Variants in LSAMP observed in about 807,000 individuals in gnomAD.
The protein encoded by LSAMP is limbic system-associated membrane protein.
Under a neutral mutation model 38.6 loss-of-function variants are expected in LSAMP, and 7 were observed. That is an observed-to-expected ratio of 0.18 (90% CI 0.10 to 0.34). The LOEUF (loss-of-function observed/expected upper bound fraction) is 0.34. Ranked by LOEUF, LSAMP falls within the 10% of genes least tolerant of loss-of-function variation. LSAMP has a pLI of 1.00. For synonymous variants in LSAMP, 154 were observed against 166.8 expected (o/e 0.92, Z 0.59); for missense variants, 313 against 420.0 (o/e 0.75, Z 2.23).
intron 3 of LSAMP, among the ~76,000 whole-genome samples, chr3:115,931,309 G>T (rs1337937697): frequency 1.3e-5 from 2 of 152,138 alleles, no homozygotes; most frequent in African/African-American, 2.4e-5. Context: ...TAAATCTCAG[G>T]ATCCCTCACT....
At chr3:116,078,990 G>T (rs1165263973) in intron 2 of LSAMP, among the ~76,000 whole-genome samples, 1 of 151,946 alleles carries the variant, frequency 6.6e-6, no homozygotes, top group Non-Finnish European at 1.5e-5. Flanking sequence ...GGAAGGGCAG[G>T]GTTAGGAAAT....
intron 3 of LSAMP, among the ~76,000 whole-genome samples, chr3:115,864,496 C>T (rs955420917): frequency 1.2e-4 from 18 of 152,124 alleles, no homozygotes; most frequent in African/African-American, 3.6e-4. Context: ...TTTGGATCTG[C>T]GTATTCTGAG....
At chr3:116,067,609 A>G (rs1269897780) in intron 2 of LSAMP, among the ~76,000 whole-genome samples, 2 of 152,184 alleles carry the variant, frequency 1.3e-5, no homozygotes, top group African/African-American at 4.8e-5. Context: ...TGCCCCATCA[A>G]TCATGGGCCA....
chr3:115,852,922 T>C (rs1162291350), intron 3 of LSAMP, among the ~76,000 whole-genome samples: 3 of 152,198 alleles, frequency 2.0e-5, no homozygotes, highest in Non-Finnish European at 4.4e-5. Flanking sequence ...GCTCAGTCTT[T>C]CAGGGAGGCC....
chr3:115,870,114 A>C (rs2107391166), intron 3 of LSAMP, among the ~76,000 whole-genome samples: 1 of 152,302 alleles, frequency 6.6e-6, no homozygotes, highest in South Asian at 2.1e-4. Context: ...ACTTGGACAC[A>C]GCCATGCCTA....
At position 116,162,768 on chromosome 3, in the gene LSAMP, T is replaced by TACACACACACACACAC. The variant is rs71141856; in HGVS notation, c.156-76228_156-76213dup. Among the ~76,000 whole-genome samples the TACACACACACACACAC allele has an allele frequency of 5.6e-3, 826 of 147,422 alleles. 5 individuals are homozygous for TACACACACACACACAC. Among genetic ancestry groups the TACACACACACACACAC allele is most frequent in the African/African-American group, 7.7e-3 (306 of 39,758 alleles). On this transcript the variant is annotated intron_variant, in intron 1 of 6. Coordinates refer to ENST00000490035, the MANE Select transcript of LSAMP (RefSeq NM_002338.5). Reference sequence around the variant, plus strand: ...TATACATATCGTATACACACACTTATACACACACACACACACACACACACA... The same window carrying TACACACACACACACAC: ...TATACATATCGTATACACACACTTATACACACACACACACACACACACACACACACACACACACACA...
chr3:116,246,280 GC>G (rs1304014808), intron 1 of LSAMP, among the ~76,000 whole-genome samples: 1 of 152,000 alleles, frequency 6.6e-6, no homozygotes. Context: ...ATTCCTGAAT[GC>G]AATCTTCTGA....
At chr3:116,303,663 G>C (rs1000292751) in intron 1 of LSAMP, among the ~76,000 whole-genome samples, 2 of 152,162 alleles carry the variant, frequency 1.3e-5, no homozygotes, top group African/African-American at 4.8e-5. Context: ...ACATGGCCCA[G>C]AGTAAGTGCT....
intron 1 of LSAMP, among the ~76,000 whole-genome samples, chr3:116,191,186 G>A (rs940382215): frequency 2.0e-5 from 3 of 152,170 alleles, no homozygotes; most frequent in Non-Finnish European, 4.4e-5. Flanking sequence ...TTGCGCCACT[G>A]CACTTCAGCC....
At chr3:116,039,161 T>C (rs1941111950) in intron 2 of LSAMP, among the ~76,000 whole-genome samples, 1 of 152,224 alleles carries the variant, frequency 6.6e-6, no homozygotes, top group East Asian at 1.9e-4. Flanking sequence ...AGCTCAACAA[T>C]ACATGTTGAA....
At chr3:116,172,698 G>C (rs1001330011) in intron 1 of LSAMP, among the ~76,000 whole-genome samples, 1 of 151,810 alleles carries the variant, frequency 6.6e-6, no homozygotes, top group African/African-American at 2.4e-5. Flanking sequence ...TTGTTGAGAG[G>C]ATGTGGGATA....
At chr3:116,069,979 G>A (rs1707561487) in intron 2 of LSAMP, among the ~76,000 whole-genome samples, 1 of 152,114 alleles carries the variant, frequency 6.6e-6, no homozygotes, top group Admixed American at 6.6e-5. Context: ...AGCAAGGACA[G>A]CTCTGATGAA....
chr3:116,358,281 GA>G (rs2048252566), intron 1 of LSAMP, among the ~76,000 whole-genome samples: 1 of 152,124 alleles, frequency 6.6e-6, no homozygotes, highest in Admixed American at 6.5e-5. Context: ...GGCAACACAA[GA>G]ATTTATTCTT....
chr3:116,273,538 G>T lies in LSAMP; in HGVS notation c.155+171339C>A, dbSNP rs371992801. On this transcript the variant is annotated intron_variant, in intron 1 of 6. Coordinates refer to ENST00000490035, the MANE Select transcript of LSAMP (RefSeq NM_002338.5). ...ACTTTAACACCAAGACTTTGAGTTGGCATTACTGCTCTCTTGGAGTAATCT... is the reference window on the plus strand; with the variant it reads ...ACTTTAACACCAAGACTTTGAGTTGTCATTACTGCTCTCTTGGAGTAATCT... Among the ~76,000 whole-genome samples, 18 of 150,428 alleles carry T rather than the reference G, an allele frequency of 1.2e-4. 1 individual carries two copies. In the East Asian group the frequency reaches 1.4e-3, roughly 11 times the overall value.
chr3:115,852,643 C>CT (rs1222930338), intron 3 of LSAMP, 26 bp from the exon 4 acceptor site: 5 of 1,599,092 alleles, frequency 3.1e-6, no homozygotes, highest in South Asian at 1.1e-5. Context: ...TTTCATGATT[C>CT]TTTTTTAAAG....
At chr3:115,996,769 T>C (rs1939826816) in intron 3 of LSAMP, among the ~76,000 whole-genome samples, 1 of 152,126 alleles carries the variant, frequency 6.6e-6, no homozygotes, top group South Asian at 2.1e-4. Flanking sequence ...GGAAAGGTCA[T>C]TTCCTCCCCT....
At chr3:116,092,924 A>C (rs1380737116) in intron 1 of LSAMP, among the ~76,000 whole-genome samples, 2 of 152,232 alleles carry the variant, frequency 1.3e-5, no homozygotes, top group Non-Finnish European at 2.9e-5. Flanking sequence ...ATGGCTGTTA[A>C]AAAACATACC....
At chr3:116,319,186 C>T (rs1441380201) in intron 1 of LSAMP, among the ~76,000 whole-genome samples, 1 of 152,134 alleles carries the variant, frequency 6.6e-6, no homozygotes, top group Non-Finnish European at 1.5e-5. Context: ...ACCAAAAAGT[C>T]AAATGCAAAT....
intron 4 of LSAMP, among the ~76,000 whole-genome samples, chr3:115,852,184 G>A (rs761722546): frequency 1.3e-5 from 2 of 152,148 alleles, no homozygotes; most frequent in Admixed American, 6.5e-5. Flanking sequence ...TGATTTCCAC[G>A]AAGACCAGCA....
Sources: gnomAD v4.1 joint callset for allele counts (sites outside exome capture counted in the v4.1 genomes callset) on GRCh38, gnomAD v4.1.1 for gene constraint, MANE v1.5 for transcripts, NCBI Gene and HGNC (gene_info 2026-07-23, HGNC 2026-07-21) for gene names.